The following TGFBR3 variants were observed in gnomAD, a reference collection of about 807,000 sequenced individuals.
TGFBR3 encodes transforming growth factor beta receptor 3, also known as transforming growth factor beta receptor type 3.
In TGFBR3, 46 loss-of-function variants were observed where a neutral mutation model predicts 87.9. That is an observed-to-expected ratio of 0.52 (90% confidence interval 0.41 to 0.67). TGFBR3 has a LOEUF of 0.67. TGFBR3 is among the 30% of genes least tolerant of loss of function. The pLI is 0.00. For missense variants in TGFBR3, 866 were observed against 1,041.9 expected, an observed-to-expected ratio of 0.83 and a Z score of 2.32; for synonymous variants, 381 against 391.6, an observed-to-expected ratio of 0.97 and a Z score of 0.32.
intron 1 of TGFBR3, among the ~76,000 whole-genome samples, chr1:91,902,606 T>C (rs1679752311): frequency 6.6e-6 from 1 of 151,702 alleles, no homozygotes; most frequent in Non-Finnish European, 1.5e-5. Context: ...TTTTTTTTTC[T>C]TTTCTTTCTT....
intron 2 of TGFBR3, among the ~76,000 whole-genome samples, chr1:91,857,063 C>T (rs967179625): frequency 3.9e-5 from 6 of 152,160 alleles, no homozygotes; most frequent in African/African-American, 1.4e-4. Context: ...AATAAATTAG[C>T]TGGCAGAGAT....
chr1:91,687,594 G>A (rs981777204), intron 16 of TGFBR3, among the ~76,000 whole-genome samples: 3 of 152,140 alleles, frequency 2.0e-5, no homozygotes, highest in African/African-American at 7.2e-5. Flanking sequence ...GAAAGGTGAG[G>A]GCAAGCTTGG....
intron 7 of TGFBR3, among the ~76,000 whole-genome samples, chr1:91,727,025 G>A (rs770011796): frequency 3.3e-5 from 5 of 152,214 alleles, no homozygotes; most frequent in East Asian, 3.8e-4. Flanking sequence ...AGCCTTGTGC[G>A]TACATCTCTA....
chr1:91,763,429 A>G (rs1029337492), intron 3 of TGFBR3, among the ~76,000 whole-genome samples: 2 of 152,214 alleles, frequency 1.3e-5, no homozygotes, highest in African/African-American at 4.8e-5. Context: ...ACTACCAGGG[A>G]AACTCTTATT....
chr1:91,896,832 G>T (rs1286263561), intron 2 of TGFBR3, among the ~76,000 whole-genome samples: 1 of 151,812 alleles, frequency 6.6e-6, no homozygotes, highest in Non-Finnish European at 1.5e-5. Flanking sequence ...AAGTCTTAAA[G>T]GGTCTTTGAC....
chr1:91,803,879 A>G (rs1675735851), intron 2 of TGFBR3, among the ~76,000 whole-genome samples: 1 of 152,036 alleles, frequency 6.6e-6, no homozygotes, highest in Non-Finnish European at 1.5e-5. Flanking sequence ...TCTCCACAGC[A>G]CTTCCTGTGA....
intron 5 of TGFBR3, 86 bp from the exon 6 acceptor site, chr1:91,730,059 C>T: frequency 6.8e-7 from 1 of 1,477,256 alleles, no homozygotes; most frequent in South Asian, 1.1e-5. Context: ...TGAAACTGAG[C>T]AAATGGCAGA....
intron 1 of TGFBR3, among the ~76,000 whole-genome samples, chr1:91,879,422 G>A (rs891497143): frequency 5.9e-5 from 9 of 151,944 alleles, no homozygotes; most frequent in Non-Finnish European, 1.3e-4. Flanking sequence ...CCTGCCCCCC[G>A]ACACCAAAAA....
At position 91,769,117 on chromosome 1, in the gene TGFBR3, A is replaced by G. The variant is rs1036421824; in HGVS notation, c.247-10367T>C. ...TCACATCAGTTTCATCAATTGTAAC[A>G]TGGGGATAATAATTGTATCTATTCT... On this transcript the variant is annotated intron_variant, in intron 3 of 16. Coordinates refer to ENST00000212355, the MANE Select transcript of TGFBR3 (RefSeq NM_003243.5). Among the ~76,000 whole-genome samples, 70 of 152,332 alleles carry G rather than the reference A, an allele frequency of 4.6e-4. 1 individual carries two copies. Among genetic ancestry groups the G allele is most frequent in the African/African-American group, 1.7e-3 (69 of 41,582 alleles).
chr1:91,831,042 C>T (rs1240564704), intron 2 of TGFBR3, among the ~76,000 whole-genome samples: 1 of 152,092 alleles, frequency 6.6e-6, no homozygotes, highest in East Asian at 1.9e-4. Context: ...ATTGTGTTTC[C>T]ACCTCCCCAA....
chr1:91,772,568 G>A (rs1674420670), intron 3 of TGFBR3, among the ~76,000 whole-genome samples: 1 of 152,150 alleles, frequency 6.6e-6, no homozygotes, highest in African/African-American at 2.4e-5. Flanking sequence ...TAGGAGCCTT[G>A]AGCATTTCTA....
At chr1:91,724,207 G>C (rs563617119) in intron 7 of TGFBR3, among the ~76,000 whole-genome samples, 1 of 152,172 alleles carries the variant, frequency 6.6e-6, no homozygotes, top group African/African-American at 2.4e-5. Context: ...AACTCCTTAG[G>C]GTAAAGAAGG....
intron 1 of TGFBR3, among the ~76,000 whole-genome samples, chr1:91,902,865 G>T (rs1225839867): frequency 6.6e-6 from 1 of 151,932 alleles, no homozygotes; most frequent in Admixed American, 6.6e-5. Flanking sequence ...GTGGACAGGG[G>T]CAGTGCCAGG....
intron 5 of TGFBR3, among the ~76,000 whole-genome samples, chr1:91,730,356 G>A (rs968015275): frequency 6.6e-6 from 1 of 152,136 alleles, no homozygotes; most frequent in Non-Finnish European, 1.5e-5. Flanking sequence ...GCGGGGCCTA[G>A]GGAGCTTTCT....
At chr1:91,873,923 C>G (rs1356345657) in intron 1 of TGFBR3, among the ~76,000 whole-genome samples, 1 of 150,966 alleles carries the variant, frequency 6.6e-6, no homozygotes, top group Non-Finnish European at 1.5e-5. Flanking sequence ...GCACTCTAGC[C>G]TGGGTGACAG....
chr1:91,893,924 T>A (rs1248930247), intron 2 of TGFBR3, among the ~76,000 whole-genome samples: 32 of 143,044 alleles, frequency 2.2e-4, no homozygotes, highest in Middle Eastern at 3.6e-3. Flanking sequence ...AAAACTTCCT[T>A]AAAAAAAAAA....
intron 7 of TGFBR3, 131 bp from the exon 8 acceptor site, chr1:91,722,275 T>C: frequency 1.2e-6 from 1 of 821,592 alleles, no homozygotes; most frequent in Non-Finnish European, 1.9e-6. Context: ...TTGACCCCTG[T>C]TTTCCTTGGG....
At chr1:91,748,837 C>T (rs1427601628) in intron 4 of TGFBR3, among the ~76,000 whole-genome samples, 1 of 152,068 alleles carries the variant, frequency 6.6e-6, no homozygotes, top group Non-Finnish European at 1.5e-5. Flanking sequence ...TACATGTTAA[C>T]CTCTTTGTCT....
chr1:91,807,055 G>A (rs1571530570), intron 2 of TGFBR3, among the ~76,000 whole-genome samples: 1 of 152,214 alleles, frequency 6.6e-6, no homozygotes, highest in African/African-American at 2.4e-5. Context: ...GGAATGCCCT[G>A]AGCTCACAAA....
Sources: gnomAD v4.1 joint callset for allele counts (sites outside exome capture counted in the v4.1 genomes callset) on GRCh38, gnomAD v4.1.1 for gene constraint, MANE v1.5 for transcripts, NCBI Gene and HGNC (gene_info 2026-07-23, HGNC 2026-07-21) for gene names.